PLCH1: variants seen among roughly 807,000 people sequenced by gnomAD.
PLCH1 encodes the protein 1-phosphatidylinositol 4,5-bisphosphate phosphodiesterase eta-1.
PLCH1 carries 60 observed loss-of-function variants against 126.7 expected under a neutral mutation model. That is an observed-to-expected ratio of 0.47 (90% confidence interval 0.38 to 0.59). The LOEUF is 0.59. Ranked by LOEUF, PLCH1 falls within the 20% of genes least tolerant of loss-of-function variation. The pLI, the probability that PLCH1 is intolerant of heterozygous loss-of-function variation, is 0.00. For missense variants in PLCH1, 1,723 were observed against 2,040.0 expected (o/e 0.84, Z 2.99); for synonymous variants, 719 against 734.9 (o/e 0.98, Z 0.35).
chr3:155,593,925 G>A lies in PLCH1; in HGVS notation c.470+16C>T. The A allele has an allele frequency of 6.2e-7, 1 of 1,613,192 alleles. No homozygotes were observed. ...AGAGCAAGAGAGAGCTGAAAATAAA[G>A]TTCTAGAAAGGATATTGGTCATGGG... On this transcript the variant is annotated intron_variant, in intron 4 of 22. Transcript: ENST00000460012.
chr3:155,571,472 C>T (rs1191673618), intron 6 of PLCH1, among the ~76,000 whole-genome samples: 3 of 152,158 alleles, frequency 2.0e-5, no homozygotes, highest in African/African-American at 4.8e-5. Flanking sequence ...GAGCAGGGAC[C>T]TCACTGCAAC....
At chr3:155,483,613 T>C (rs1194280112) in intron 22 of PLCH1, among the ~76,000 whole-genome samples, 1 of 152,238 alleles carries the variant, frequency 6.6e-6, no homozygotes, top group Non-Finnish European at 1.5e-5. Flanking sequence ...CATTAAAATA[T>C]CAATATCTGT....
intron 1 of PLCH1, among the ~76,000 whole-genome samples, chr3:155,731,519 T>C (rs1748771082): frequency 6.6e-6 from 1 of 152,114 alleles, no homozygotes; most frequent in East Asian, 1.9e-4. Flanking sequence ...AGCCTGCCCA[T>C]GAACCCCAAG....
chr3:155,622,897 T>C (rs1419084461), intron 2 of PLCH1, among the ~76,000 whole-genome samples: 2 of 152,166 alleles, frequency 1.3e-5, no homozygotes, highest in African/African-American at 2.4e-5. Flanking sequence ...TGAACTCAGC[T>C]CTGGAACCAG....
intron 2 of PLCH1, among the ~76,000 whole-genome samples, chr3:155,653,174 T>C (rs945600696): frequency 3.7e-5 from 5 of 135,450 alleles, no homozygotes; most frequent in Non-Finnish European, 7.7e-5. Context: ...GATATAGATA[T>C]AGATATAGAT....
chr3:155,592,327 C>A (rs372697865), intron 4 of PLCH1, among the ~76,000 whole-genome samples: 679 of 122,374 alleles, frequency 5.5e-3, no homozygotes, highest in Non-Finnish European at 7.8e-3. Context: ...ACTAAAAATA[C>A]AAAAAAAAAA....
At chr3:155,467,277 A>G (rs1712963994) in intron 21 of PLCH1, among the ~76,000 whole-genome samples, 1 of 152,096 alleles carries the variant, frequency 6.6e-6, no homozygotes, top group Admixed American at 6.5e-5. Flanking sequence ...TAAAAAAGAT[A>G]AAGAAAGGAT....
intron 12 of PLCH1, among the ~76,000 whole-genome samples, chr3:155,513,365 G>C (rs551511921): frequency 1.3e-5 from 2 of 152,160 alleles, no homozygotes; most frequent in African/African-American, 4.8e-5. Context: ...TTGTCATTAG[G>C]ATCTCTTCAG....
At chr3:155,548,045 T>C (rs1234962814) in intron 10 of PLCH1, among the ~76,000 whole-genome samples, 1 of 151,958 alleles carries the variant, frequency 6.6e-6, no homozygotes, top group Admixed American at 6.6e-5. Context: ...ATAATAATAA[T>C]AAAATAAAAA....
intron 2 of PLCH1, among the ~76,000 whole-genome samples, chr3:155,603,204 A>C (rs1733962964): frequency 6.6e-6 from 1 of 152,266 alleles, no homozygotes; most frequent in Admixed American, 6.5e-5. Context: ...AAAAAGGTAC[A>C]TAAAAAATGT....
At position 155,693,796 on chromosome 3, in the gene PLCH1, G is replaced by GGT. The variant is rs1745593546; in HGVS notation, c.79+10348_79+10349dup. Among the ~76,000 whole-genome samples, 5 of 152,182 alleles carry GGT rather than the reference G, an allele frequency of 3.3e-5. No homozygotes were observed. In the South Asian group the frequency reaches 1.0e-3, roughly 32 times the overall value. On this transcript the variant is annotated intron_variant, in intron 2 of 22. Coordinates refer to ENST00000460012, the MANE Select transcript of PLCH1 (RefSeq NM_014996.4). ...AATACAAAAATTAACCAGGCATGGT[G>GGT]GTGTGCACCTGTAATCCCAGCTCCT...
intron 1 of PLCH1, among the ~76,000 whole-genome samples, chr3:155,736,069 C>T (rs1749159302): frequency 6.6e-6 from 1 of 152,174 alleles, no homozygotes; most frequent in Admixed American, 6.5e-5. Context: ...AGAAAACGTA[C>T]ACCTTTAATT....
chr3:155,626,063 C>T (rs1434284805), intron 2 of PLCH1, among the ~76,000 whole-genome samples: 1 of 152,138 alleles, frequency 6.6e-6, no homozygotes, highest in African/African-American at 2.4e-5. Flanking sequence ...AGGATGAGTT[C>T]ATGTTGTTTG....
At chr3:155,618,766 T>C (rs1736098841) in intron 2 of PLCH1, among the ~76,000 whole-genome samples, 1 of 152,150 alleles carries the variant, frequency 6.6e-6, no homozygotes, top group Non-Finnish European at 1.5e-5. Flanking sequence ...CCACCTCAGC[T>C]TCCTGAGGAG....
At chr3:155,638,381 T>A (rs753751134) in intron 2 of PLCH1, among the ~76,000 whole-genome samples, 14 of 152,162 alleles carry the variant, frequency 9.2e-5, no homozygotes, top group Non-Finnish European at 1.8e-4. Flanking sequence ...ATGTACATGT[T>A]CCCCACCAGT....
intron 2 of PLCH1, among the ~76,000 whole-genome samples, chr3:155,603,297 C>A (rs1733972627): frequency 6.6e-6 from 1 of 152,162 alleles, no homozygotes. Flanking sequence ...AATTTCATTT[C>A]TATGTGGAAA....
chr3:155,588,814 A>G (rs186629385), intron 4 of PLCH1, among the ~76,000 whole-genome samples: 8 of 152,300 alleles, frequency 5.3e-5, no homozygotes, highest in Non-Finnish European at 7.3e-5. Flanking sequence ...TGGGTTACTC[A>G]TATCACCTCC....
At position 155,496,810 on chromosome 3, in the gene PLCH1, A is replaced by G. The variant is rs148908452; in HGVS notation, c.1894+510T>C. ...GTGTGGCAACTGATAGGTAAAAAAC[A>G]GTGACGGAGAGAATGCTACTGAGAT... On this transcript the variant is annotated intron_variant, in intron 15 of 22. Coordinates refer to ENST00000460012, the MANE Select transcript of PLCH1 (RefSeq NM_014996.4). Among the ~76,000 whole-genome samples the G allele has an allele frequency of 2.7e-3, 417 of 152,352 alleles. 1 individual carries two copies. The highest frequency in any genetic ancestry group is 0.015 in the South Asian group (72 of 4,830).
At chr3:155,661,414 A>G (rs1271359068) in intron 2 of PLCH1, among the ~76,000 whole-genome samples, 1 of 152,190 alleles carries the variant, frequency 6.6e-6, no homozygotes, top group Non-Finnish European at 1.5e-5. Flanking sequence ...CTCAAAGGCT[A>G]CTGGCTCTTT....
Sources: allele counts gnomAD v4.1 joint callset (sites outside exome capture counted in the v4.1 genomes callset), GRCh38; gene constraint gnomAD v4.1.1; transcripts MANE v1.5; gene names NCBI Gene and HGNC (gene_info 2026-07-23, HGNC 2026-07-21).